Variants in DNAH5 observed in about 807,000 individuals in gnomAD.
DNAH5 encodes axonemal beta dynein heavy chain 5.
In DNAH5, 372 loss-of-function variants were observed where a neutral mutation model predicts 518.2. The observed-to-expected ratio is 0.72, with a 90% CI of 0.66 to 0.78. DNAH5 has a LOEUF of 0.78. Among genes scored for constraint, DNAH5 ranks in the 30% least tolerant of loss-of-function variants. The pLI, the probability that DNAH5 is intolerant of heterozygous loss-of-function variation, is 0.00. For missense variants in DNAH5, 5,523 were observed against 5,687.0 expected, an observed-to-expected ratio of 0.97 and a Z score of 0.93; for synonymous variants, 2,039 against 2,025.9, an observed-to-expected ratio of 1.01 and a Z score of -0.17.
At position 13,916,435 on chromosome 5, in the gene DNAH5, A is replaced by T. The variant is rs1351653959; in HGVS notation, c.1110T>A (p.Ile370=). The T allele has an allele frequency of 6.4e-7, 1 of 1,557,148 alleles. No homozygotes were observed. The highest frequency in any genetic ancestry group is 1.7e-5 in the Admixed American group (1 of 59,686). Residue 370 remains isoleucine (I), a synonymous_variant, in exon 9 of 79, where the codon ATT becomes ATA. Coordinates refer to ENST00000265104, the MANE Select transcript of DNAH5 (RefSeq NM_001369.3). The part of the protein sequence containing the change: ...SSDPLSMMDA[I]PTLINAIKMI... ...TTTTAATTGCATTTATAAGTGTAGG[A>T]ATAGCATCCATCATGGATAGCTGAA... is the stretch of plus-strand genomic sequence containing the variant.
intron 1 of DNAH5, among the ~76,000 whole-genome samples, chr5:13,934,121 T>C (rs1778687081): frequency 6.6e-6 from 1 of 152,096 alleles, no homozygotes; most frequent in Non-Finnish European, 1.5e-5. Flanking sequence ...TCTTAAGAGA[T>C]CTTCACCTTC....
rs964275222 is a variant in DNAH5 at position 13,965,963 on chromosome 5, C to G, written c.13-34719G>C. 2.6e-5 allele frequency among the ~76,000 whole-genome samples: 4 copies of G among 152,142 alleles called. No individual in the cohort carries two copies. In the East Asian group the frequency reaches 7.7e-4, roughly 29 times the overall value. ...TCTGAGATTTTGGTGCACCCATCAC[C>G]TGAATACTATCCCTCACCCCCCTCC... On this transcript the variant is annotated intron_variant, in intron 1 of 78. Coordinates refer to the DNAH5 transcript ENST00000681290.
At chr5:13,998,489 T>C (rs1784120231) in intron 1 of DNAH5, among the ~76,000 whole-genome samples, 1 of 152,192 alleles carries the variant, frequency 6.6e-6, no homozygotes, top group South Asian at 2.1e-4. Context: ...ATTGAACACA[T>C]TGCTTGGCCC....
In DNAH5 at chr5:13,754,063, A is replaced by G. The variant is rs1750641720; in HGVS notation, c.10555+140T>C. On this transcript the variant is annotated intron_variant, in intron 62 of 78. Coordinates refer to ENST00000265104, the MANE Select transcript of DNAH5 (RefSeq NM_001369.3). ...ATTATTATACTTTAAGTTTTAGGGT[A>G]CATGCGCACAATGTGCGGGTTTGTT... The G allele has an allele frequency of 4.3e-6, 4 of 926,490 alleles. No individual in the cohort carries two copies. The East Asian group carries it at 9.7e-5, about 22-fold the overall frequency. The allele number at this position is 926,490 out of a possible 1,614,324, so 57.4% of individuals were successfully genotyped here.
intron 53 of DNAH5, among the ~76,000 whole-genome samples, chr5:13,778,628 A>G (rs893013429): frequency 3.3e-5 from 5 of 150,036 alleles, no homozygotes; most frequent in African/African-American, 1.2e-4. Flanking sequence ...AAGAAAGAAA[A>G]GAGGAAAACA....
chr5:13,958,471 T>A (rs970168345), intron 1 of DNAH5, among the ~76,000 whole-genome samples: 1 of 152,178 alleles, frequency 6.6e-6, no homozygotes, highest in African/African-American at 2.4e-5. Flanking sequence ...TTTCTTCTGA[T>A]AATTTTCTTT....
At chr5:13,866,519 T>C (rs1019053844) in intron 25 of DNAH5, among the ~76,000 whole-genome samples, 1 of 152,224 alleles carries the variant, frequency 6.6e-6, no homozygotes, top group South Asian at 2.1e-4. Context: ...ATTAAAAATA[T>C]GTATTATTCA....
chr5:13,902,403 G>A (rs1774756111), intron 12 of DNAH5, among the ~76,000 whole-genome samples: 1 of 152,312 alleles, frequency 6.6e-6, no homozygotes, highest in South Asian at 2.1e-4. Context: ...TGGCACTGGG[G>A]CCTTATCGCA....
At chr5:13,801,316 T>C (rs990182565) in intron 47 of DNAH5, among the ~76,000 whole-genome samples, 1 of 152,204 alleles carries the variant, frequency 6.6e-6, no homozygotes, top group African/African-American at 2.4e-5. Context: ...GTGAGAAGTG[T>C]CTACTTCCCC....
chr5:13,807,643 T>G lies in DNAH5; in HGVS notation c.7835A>C (p.His2612Pro). 1 of 1,612,538 alleles carries G rather than the reference T, an allele frequency of 6.2e-7. No individual in the cohort carries two copies. The highest frequency in any genetic ancestry group is 1.7e-4 in the Middle Eastern group (1 of 6,060). ...AGAAAAATTCAGACTCTTGATCATG[T>G]GACATTCAGGATCATATTTTGACAT... ...GFMSKYDPEC[H>P]MIKSLNFSSA... Residue 2612 changes from histidine (H) to proline (P), a missense_variant, in exon 47 of 79, where the codon CAC (histidine) becomes CCC (proline). His to Pro is a moderately conservative substitution (Grantham distance 77, BLOSUM62 -2). Transcript: ENST00000265104.
chr5:13,711,751 C>A (rs1743501955), intron 75 of DNAH5, among the ~76,000 whole-genome samples: 1 of 152,138 alleles, frequency 6.6e-6, no homozygotes. Flanking sequence ...AGAATCAAAT[C>A]AAGAACGCAA....
intron 66 of DNAH5, among the ~76,000 whole-genome samples, chr5:13,737,033 T>C (rs1451764853): frequency 6.6e-6 from 1 of 152,194 alleles, no homozygotes; most frequent in Non-Finnish European, 1.5e-5. Flanking sequence ...CTTAAAGGAT[T>C]TACCAACTAA....
Position 13,717,361 on chromosome 5 carries a change from G to C in DNAH5, c.12659C>G (p.Thr4220Ser), listed in dbSNP as rs1744442214. The C allele has an allele frequency of 6.2e-7, 1 of 1,614,062 alleles. No homozygotes were observed. Among genetic ancestry groups the C allele is most frequent in the South Asian group, 1.1e-5 (1 of 91,078 alleles). The change falls in exon 73 of 79, where the codon ACT becomes AGT. Residue 4220 changes from threonine (T) to serine (S), a missense_variant. Transcript: ENST00000265104. ...YEFNQADFNATVQFIQNHLDD... is the reference protein window; with the variant it reads ...YEFNQADFNASVQFIQNHLDD... Reference sequence around the variant, plus strand: ...CAAGTGGTTTTGGATGAACTGCACAGTGGCATTAAAGTCCGCTTGGTTAAA... The same window carrying C: ...CAAGTGGTTTTGGATGAACTGCACACTGGCATTAAAGTCCGCTTGGTTAAA...
chr5:13,981,221 G>A (rs1335534431), intron 1 of DNAH5, among the ~76,000 whole-genome samples: 4 of 152,200 alleles, frequency 2.6e-5, no homozygotes, highest in Admixed American at 2.0e-4. Context: ...CATAGCAGGT[G>A]TTCAAAACGT....
chr5:13,892,220 G>A lies in DNAH5; in HGVS notation c.2432-1099C>T, dbSNP rs113419176. ...AACACTTTCACTTAAGTATGTGTGA[G>A]CAATAAAATTCTCTACGCTTTCTAA... On this transcript the variant is annotated intron_variant, in intron 16 of 78. Coordinates refer to ENST00000265104, the MANE Select transcript of DNAH5 (RefSeq NM_001369.3). Among the ~76,000 whole-genome samples, 165 of 152,294 alleles carry A rather than the reference G, an allele frequency of 1.1e-3. 1 individual carries two copies. Among genetic ancestry groups the A allele is most frequent in the African/African-American group, 3.7e-3 (154 of 41,562 alleles).
rs116710076 is a variant in DNAH5 at position 13,995,263 on chromosome 5, C to T, written c.12+16385G>A. Among the ~76,000 whole-genome samples, 488 of 152,282 alleles carry T rather than the reference C, an allele frequency of 3.2e-3. 5 individuals carry two copies. Among genetic ancestry groups the T allele is most frequent in the African/African-American group, 0.011 (468 of 41,546 alleles). On this transcript the variant is annotated intron_variant, in intron 1 of 78. Transcript: ENST00000681290. ...ATACAGTGCACCACATATACAGTAGCGGGCAATTACAGACAATGCCCTGAT... is the reference window on the plus strand; with the variant it reads ...ATACAGTGCACCACATATACAGTAGTGGGCAATTACAGACAATGCCCTGAT...
At chr5:13,723,473 G>A (rs1745319477) in intron 70 of DNAH5, among the ~76,000 whole-genome samples, 1 of 152,178 alleles carries the variant, frequency 6.6e-6, no homozygotes. Context: ...GGCCAGTTCT[G>A]CCATATAACT....
chr5:13,811,634 T>C lies in DNAH5; in HGVS notation c.7407+13A>G, dbSNP rs1175951108. On this transcript the variant is annotated intron_variant, in intron 44 of 78. Coordinates refer to ENST00000265104, the MANE Select transcript of DNAH5 (RefSeq NM_001369.3). ...GATAAGAGAGAATTTCTCTAGAAAG[T>C]TGAGCAATTTACCTTCAGAGGAATC... The C allele has an allele frequency of 1.2e-6, 2 of 1,613,648 alleles. No homozygotes were observed. Among genetic ancestry groups the C allele is most frequent in the South Asian group, 2.2e-5 (2 of 91,072 alleles).
chr5:13,737,586 C>T, intron 65 of DNAH5, 91 bp from the exon 66 acceptor site: 2 of 1,362,406 alleles, frequency 1.5e-6, no homozygotes, highest in South Asian at 2.4e-5. Context: ...TGCTTTGAAG[C>T]TCCCATACTG....
Sources: allele counts gnomAD v4.1 joint callset (sites outside exome capture counted in the v4.1 genomes callset), GRCh38; gene constraint gnomAD v4.1.1; transcripts MANE v1.5; gene names NCBI Gene and HGNC (gene_info 2026-07-23, HGNC 2026-07-21).